DNAH6: variants seen among roughly 807,000 people sequenced by gnomAD.
DNAH6 encodes the protein axonemal beta dynein heavy chain 6.
A neutral mutation model predicts 491.4 loss-of-function variants in DNAH6; 340 were observed. The ratio of observed to expected loss-of-function variants is 0.69; its 90% CI spans 0.63 to 0.76. The LOEUF is 0.76. DNAH6 is among the 30% of genes least tolerant of loss of function. DNAH6 has a pLI of 0.00. For synonymous variants in DNAH6, 1,603 were observed against 1,686.1 expected, an observed-to-expected ratio of 0.95 and a Z score of 1.21; for missense variants, 4,443 against 4,972.2, an observed-to-expected ratio of 0.89 and a Z score of 3.20.
At chr2:84,489,177 T>C in the DNAH6 span, among the ~76,000 whole-genome samples, 1 of 152,132 alleles carries the variant, frequency 6.6e-6, no homozygotes, top group African/African-American at 2.4e-5. Context: ...TTCTGGAAGT[T>C]ATTGGTAGAG....
chr2:84,748,161 A>C (rs1673145003), intron 63 of DNAH6, among the ~76,000 whole-genome samples: 1 of 152,118 alleles, frequency 6.6e-6, no homozygotes, highest in Non-Finnish European at 1.5e-5. Flanking sequence ...AGTCATGCTA[A>C]TCTCTCTAGC....
chr2:84,706,399 C>T (rs1345308278), intron 52 of DNAH6, among the ~76,000 whole-genome samples: 1 of 152,172 alleles, frequency 6.6e-6, no homozygotes, highest in Non-Finnish European at 1.5e-5. Flanking sequence ...ACACAGTTAT[C>T]ACATTTCATG....
chr2:84,534,268 T>TAAA (rs1373893140), intron 4 of DNAH6, among the ~76,000 whole-genome samples: 5 of 151,768 alleles, frequency 3.3e-5, no homozygotes, highest in African/African-American at 1.2e-4. Context: ...ACTTATTTTT[T>TAAA]AAAAAAAAAC....
At chr2:84,756,380 A>G (rs780795015) in intron 63 of DNAH6, among the ~76,000 whole-genome samples, 4 of 152,272 alleles carry the variant, frequency 2.6e-5, no homozygotes, top group African/African-American at 7.2e-5. Context: ...TGTAATTCTC[A>G]TAACCTGTTT....
the DNAH6 span, among the ~76,000 whole-genome samples, chr2:84,503,683 A>G: frequency 4.0e-5 from 6 of 150,406 alleles, no homozygotes; most frequent in African/African-American, 1.5e-4. Context: ...CTAGGGTAAA[A>G]GTTTTTTTTT....
chr2:84,737,466 G>C (rs1213954559), intron 62 of DNAH6, among the ~76,000 whole-genome samples: 5 of 151,674 alleles, frequency 3.3e-5, no homozygotes. Context: ...TCCGTTAGTT[G>C]GTTGGTTGGT....
At chr2:84,699,205 A>T (rs1024900923) in intron 47 of DNAH6, among the ~76,000 whole-genome samples, 3 of 152,054 alleles carry the variant, frequency 2.0e-5, no homozygotes, top group Non-Finnish European at 4.4e-5. Context: ...GAAAAAAAAA[A>T]ACTCCCATAC....
chr2:84,789,610 A>G (rs1049086489), intron 68 of DNAH6, among the ~76,000 whole-genome samples: 1 of 152,260 alleles, frequency 6.6e-6, no homozygotes, highest in African/African-American at 2.4e-5. Context: ...TTGGAATGCT[A>G]AAGGCATTTT....
At chr2:84,617,375 T>A (rs1157511200) in intron 23 of DNAH6, among the ~76,000 whole-genome samples, 1 of 152,122 alleles carries the variant, frequency 6.6e-6, no homozygotes. Flanking sequence ...CTCTTTTAGT[T>A]ATTTTTAAAT....
chr2:84,591,815 G>A (rs540434951), intron 16 of DNAH6, among the ~76,000 whole-genome samples: 17 of 152,256 alleles, frequency 1.1e-4, no homozygotes, highest in African/African-American at 3.1e-4. Context: ...TATGGTCAAC[G>A]CATCTATGGC....
chr2:84,807,092 C>T (rs1460339053), intron 71 of DNAH6, among the ~76,000 whole-genome samples: 1 of 152,162 alleles, frequency 6.6e-6, no homozygotes, highest in Admixed American at 6.5e-5. Flanking sequence ...AAATGCTAAG[C>T]AGATCATCTG....
At chr2:84,754,201 C>T (rs1409566517) in intron 63 of DNAH6, among the ~76,000 whole-genome samples, 5 of 150,720 alleles carry the variant, frequency 3.3e-5, no homozygotes, top group Admixed American at 6.6e-5. Flanking sequence ...TTCTTTTTGA[C>T]GGAGTTTTGC....
the DNAH6 span, among the ~76,000 whole-genome samples, chr2:84,485,922 A>C: frequency 1.3e-5 from 2 of 151,816 alleles, no homozygotes; most frequent in African/African-American, 4.8e-5. Flanking sequence ...CCAACCTCCT[A>C]AATTGATTCC....
At chr2:84,620,021 T>A in intron 24 of DNAH6, 117 bp downstream of exon 24, 1 of 931,892 alleles carries the variant, frequency 1.1e-6, no homozygotes, top group Non-Finnish European at 1.6e-6. Flanking sequence ...ATAACCAAGA[T>A]AAAATTCTTG....
At chr2:84,701,872 T>C (rs1695933988) in intron 49 of DNAH6, among the ~76,000 whole-genome samples, 1 of 152,192 alleles carries the variant, frequency 6.6e-6, no homozygotes, top group South Asian at 2.1e-4. Context: ...CTCTCCATCA[T>C]GACATGTGCC....
intron 42 of DNAH6, among the ~76,000 whole-genome samples, chr2:84,683,412 A>ATTTTTTTTTTTTT (rs61217837): frequency 1.1e-5 from 1 of 93,920 alleles, no homozygotes; most frequent in African/African-American, 4.2e-5. Flanking sequence ...CACCACTCTT[A>ATTTTTTTTTTTTT]TTTTTTTTTT....
intron 15 of DNAH6, among the ~76,000 whole-genome samples, chr2:84,586,487 A>G (rs1683567965): frequency 6.6e-6 from 1 of 152,110 alleles, no homozygotes; most frequent in African/African-American, 2.4e-5. Context: ...ATTTATGCAT[A>G]TTGCTATTTG....
chr2:84,567,521 A>C (rs1293097992), intron 11 of DNAH6, among the ~76,000 whole-genome samples: 2 of 152,174 alleles, frequency 1.3e-5, no homozygotes, highest in Non-Finnish European at 2.9e-5. Context: ...GATCTTCAAC[A>C]AACCTAACAA....
At chr2:84,475,675 C>T in the DNAH6 span, among the ~76,000 whole-genome samples, 2 of 152,302 alleles carry the variant, frequency 1.3e-5, no homozygotes, top group South Asian at 4.1e-4. Context: ...AGTCTTCCCT[C>T]TCAGGGGTCT....
Sources: gnomAD v4.1 joint callset for allele counts (sites outside exome capture counted in the v4.1 genomes callset) on GRCh38, gnomAD v4.1.1 for gene constraint, MANE v1.5 for transcripts, NCBI Gene and HGNC (gene_info 2026-07-23, HGNC 2026-07-21) for gene names.